Variants in CTIF observed in about 807,000 individuals in gnomAD.
CTIF encodes cap binding complex dependent translation initiation factor, also known as CBP80/20-dependent translation initiation factor.
In CTIF, 21 loss-of-function variants were observed where a neutral mutation model predicts 66.0. That is an observed-to-expected ratio of 0.32 (90% CI 0.23 to 0.46). The LOEUF (loss-of-function observed/expected upper bound fraction) is 0.46, where lower values mean the gene tolerates loss of function less well. CTIF is among the 20% of genes least tolerant of loss of function. The probability of loss-of-function intolerance (pLI) is 1.00; values close to 1 mark genes in which losing one functional copy is unlikely to be tolerated. For synonymous variants in CTIF, 345 were observed against 326.4 expected (o/e 1.06, Z -0.62); for missense variants, 739 against 812.7 (o/e 0.91, Z 1.10).
intron 10 of CTIF, among the ~76,000 whole-genome samples, chr18:48,847,997 C>T (rs1017112599): frequency 7.9e-5 from 12 of 152,172 alleles, no homozygotes; most frequent in African/African-American, 2.9e-4. Flanking sequence ...AGGTCCAGGT[C>T]CCGCAGAGGC....
chr18:48,710,721 C>T lies in CTIF; in HGVS notation c.508-898C>T, dbSNP rs8089566. 9.1e-3 allele frequency among the ~76,000 whole-genome samples: 1,392 copies of T among 152,270 alleles called. 28 individuals are homozygous for T. Among genetic ancestry groups the T allele is most frequent in the African/African-American group, 0.032 (1,330 of 41,544 alleles). On this transcript the variant is annotated intron_variant, in intron 6 of 11. Coordinates refer to ENST00000256413, the MANE Select transcript of CTIF (RefSeq NM_014772.3). ...AATAGTTGCTGTCATGATGACAATA[C>T]GCAAAAGACTATCCTTAGAATTTTC...
At chr18:48,668,299 G>A (rs991858156) in intron 5 of CTIF, among the ~76,000 whole-genome samples, 2 of 152,216 alleles carry the variant, frequency 1.3e-5, no homozygotes, top group South Asian at 4.1e-4. Context: ...GAGACACTGG[G>A]GAGGTGGTAT....
intron 7 of CTIF, among the ~76,000 whole-genome samples, chr18:48,736,813 G>C (rs895355195): frequency 2.0e-5 from 3 of 152,152 alleles, no homozygotes; most frequent in African/African-American, 7.2e-5. Flanking sequence ...GGAGCCTCCT[G>C]TCAGGGCAGG....
chr18:48,619,147 T>C (rs894789136), intron 1 of CTIF, among the ~76,000 whole-genome samples: 4 of 152,224 alleles, frequency 2.6e-5, no homozygotes, highest in Admixed American at 2.0e-4. Flanking sequence ...GGTTCTGTTG[T>C]TTATTTCATC....
intron 7 of CTIF, among the ~76,000 whole-genome samples, chr18:48,738,352 T>C (rs528488632): frequency 6.6e-6 from 1 of 150,392 alleles, no homozygotes; most frequent in East Asian, 1.9e-4. Context: ...AACCCTCCAG[T>C]GGTTCCCAAT....
chr18:48,652,768 AG>A (rs933023179), intron 3 of CTIF, among the ~76,000 whole-genome samples: 3 of 152,344 alleles, frequency 2.0e-5, no homozygotes, highest in East Asian at 3.9e-4. Flanking sequence ...CATATCAAAA[AG>A]CTTATCCACC....
At chr18:48,707,753 G>GT (rs2092176596) in intron 6 of CTIF, among the ~76,000 whole-genome samples, 1 of 152,016 alleles carries the variant, frequency 6.6e-6, no homozygotes, top group Non-Finnish European at 1.5e-5. Context: ...CCCTCTCATA[G>GT]TATACAGCTT....
At chr18:48,680,780 G>C (rs546649957) in intron 6 of CTIF, among the ~76,000 whole-genome samples, 1 of 152,220 alleles carries the variant, frequency 6.6e-6, no homozygotes, top group African/African-American at 2.4e-5. Flanking sequence ...AGGAGCCGCC[G>C]GGGCTTGGGG....
chr18:48,836,315 C>T (rs773198042), intron 10 of CTIF, among the ~76,000 whole-genome samples: 1 of 152,170 alleles, frequency 6.6e-6, no homozygotes, highest in Non-Finnish European at 1.5e-5. Context: ...CCTGGGCTGC[C>T]CTTCAGGGTC....
intron 10 of CTIF, among the ~76,000 whole-genome samples, chr18:48,853,787 C>T (rs904162602): frequency 5.3e-5 from 8 of 152,212 alleles, no homozygotes; most frequent in Non-Finnish European, 1.0e-4. Context: ...TGCGGGGCCC[C>T]TAGGCTGGGT....
chr18:48,546,254 G>T (rs1487584658), intron 1 of CTIF, among the ~76,000 whole-genome samples: 1 of 152,136 alleles, frequency 6.6e-6, no homozygotes, highest in African/African-American at 2.4e-5. Context: ...TTAGGCAAAC[G>T]TCCAGTCTTT....
At chr18:48,840,562 T>G (rs1201753956) in intron 10 of CTIF, among the ~76,000 whole-genome samples, 2 of 152,230 alleles carry the variant, frequency 1.3e-5, no homozygotes, top group African/African-American at 2.4e-5. Flanking sequence ...TCTCTTAGAC[T>G]TGGCAAAGAG....
intron 6 of CTIF, chr18:48,682,860 C>T (rs1330078398): frequency 6.6e-6 from 1 of 152,256 alleles, no homozygotes; most frequent in Admixed American, 6.5e-5. Context: ...ATTCCCTTTG[C>T]ACCAAAGATA....
intron 9 of CTIF, among the ~76,000 whole-genome samples, chr18:48,816,730 C>T (rs1250242172): frequency 6.6e-6 from 1 of 152,230 alleles, no homozygotes; most frequent in East Asian, 1.9e-4. Context: ...TAGCCCAGTG[C>T]TGGGGCGCTA....
chr18:48,575,500 G>C (rs1341839044), intron 1 of CTIF, among the ~76,000 whole-genome samples: 1 of 152,222 alleles, frequency 6.6e-6, no homozygotes, highest in Non-Finnish European at 1.5e-5. Context: ...GTTTAAAGCT[G>C]ACCCAGCTGG....
rs137941141 is a variant in CTIF, at chr18:48,838,305, C to T, written c.1528-19283C>T. On this transcript the variant is annotated intron_variant, in intron 10 of 11. Transcript: ENST00000256413. The stretch of plus-strand genomic sequence containing the variant: ...GCCTACACTGAACTTTCATCCCAGG[C>T]GAAATGCCTATCAGAAGGCAGGTGC... 2.8e-3 allele frequency among the ~76,000 whole-genome samples: 426 copies of T among 152,150 alleles called. 1 individual carries two copies. Among genetic ancestry groups the T allele is most frequent in the African/African-American group, 9.7e-3 (401 of 41,490 alleles).
chr18:48,698,105 A>T (rs1264098911), intron 6 of CTIF, among the ~76,000 whole-genome samples: 3 of 27,874 alleles, frequency 1.1e-4, no homozygotes, highest in African/African-American at 3.0e-4. Context: ...AGCCATCATT[A>T]AAAAAAAAAA....
chr18:48,730,072 T>C (rs2092424082), intron 7 of CTIF, among the ~76,000 whole-genome samples: 1 of 152,234 alleles, frequency 6.6e-6, no homozygotes, highest in African/African-American at 2.4e-5. Flanking sequence ...ACGAGCTGCC[T>C]GTGGTGATTT....
intron 2 of CTIF, among the ~76,000 whole-genome samples, chr18:48,624,753 C>T (rs780509987): frequency 6.6e-6 from 1 of 152,174 alleles, no homozygotes; most frequent in East Asian, 1.9e-4. Flanking sequence ...AGGGCTGTCT[C>T]CTTTCTCCCC....
Sources: allele counts gnomAD v4.1 joint callset (sites outside exome capture counted in the v4.1 genomes callset), GRCh38; gene constraint gnomAD v4.1.1; transcripts MANE v1.5; gene names NCBI Gene and HGNC (gene_info 2026-07-23, HGNC 2026-07-21).